Variants in MME observed in about 807,000 individuals in gnomAD.
MME encodes the protein membrane metalloendopeptidase, also known as neprilysin.
In MME, 98 loss-of-function variants were observed where a neutral mutation model predicts 113.2. The ratio of observed to expected loss-of-function variants is 0.87; its 90% confidence interval spans 0.74 to 1.02. The LOEUF is 1.02. Among genes scored for constraint, MME ranks in the 50% least tolerant of loss-of-function variants. MME has a pLI of 0.00. For missense variants in MME, 836 were observed against 896.0 expected, an observed-to-expected ratio of 0.93 and a Z score of 0.86; for synonymous variants, 292 against 300.6, an observed-to-expected ratio of 0.97 and a Z score of 0.30.
intron 1 of MME, among the ~76,000 whole-genome samples, chr3:155,035,017 C>T (rs534428292): frequency 3.3e-5 from 5 of 152,096 alleles, no homozygotes; most frequent in African/African-American, 7.2e-5. Flanking sequence ...TGTACCAGCA[C>T]TCATACTATG....
intron 22 of MME, among the ~76,000 whole-genome samples, chr3:155,172,829 T>C (rs1712134607): frequency 6.6e-6 from 1 of 151,958 alleles, no homozygotes; most frequent in Non-Finnish European, 1.5e-5. Context: ...ACAATAATTA[T>C]AATTCCTTAG....
At chr3:155,081,762 A>G (rs1253447310) in intron 1 of MME, 1 of 152,134 alleles carries the variant, frequency 6.6e-6, no homozygotes, top group African/African-American at 2.4e-5. Context: ...CTGATGTCTT[A>G]AAGAAAAATT....
chr3:155,058,810 C>T (rs1213408717), intron 1 of MME, among the ~76,000 whole-genome samples: 1 of 152,058 alleles, frequency 6.6e-6, no homozygotes, highest in Non-Finnish European at 1.5e-5. Context: ...AGTAAAACAC[C>T]CATTTCCAAA....
At chr3:155,170,276 A>G (rs796103416) in intron 20 of MME, among the ~76,000 whole-genome samples, 11 of 152,184 alleles carry the variant, frequency 7.2e-5, no homozygotes, top group African/African-American at 2.4e-4. Flanking sequence ...AACTCCTGAC[A>G]TCAAGCGATC....
chr3:155,168,182 G>A (rs1279942083), intron 18 of MME, among the ~76,000 whole-genome samples: 1 of 152,160 alleles, frequency 6.6e-6, no homozygotes, highest in Admixed American at 6.5e-5. Context: ...ACAGACTTGG[G>A]TCAGGTAAAA....
intron 3 of MME, among the ~76,000 whole-genome samples, chr3:155,102,467 C>A (rs1717336734): frequency 6.6e-6 from 1 of 152,136 alleles, no homozygotes; most frequent in Non-Finnish European, 1.5e-5. Context: ...TGATCTGAGG[C>A]TTCATCCCCT....
chr3:155,051,745 A>G (rs1197726158), intron 1 of MME, among the ~76,000 whole-genome samples: 1 of 152,126 alleles, frequency 6.6e-6, no homozygotes. Flanking sequence ...AAGCCTAACC[A>G]TATCATTCCG....
intron 16 of MME, chr3:155,159,033 T>A (rs969546716): frequency 3.3e-5 from 5 of 152,038 alleles, no homozygotes; most frequent in Non-Finnish European, 7.4e-5. Flanking sequence ...AAGTCCCAAA[T>A]CCTTTATATA....
intron 1 of MME, 41 bp from the exon 2 acceptor site, chr3:155,084,116 TA>T: frequency 1.4e-6 from 2 of 1,477,288 alleles, no homozygotes; most frequent in Non-Finnish European, 1.9e-6. Flanking sequence ...TTTTCTTTTT[TA>T]TTTATTTGTT....
chr3:155,088,010 A>G (rs981195039), intron 3 of MME, among the ~76,000 whole-genome samples: 5 of 152,202 alleles, frequency 3.3e-5, no homozygotes, highest in African/African-American at 1.2e-4. Flanking sequence ...TGGCAGAGAA[A>G]TGTATACAAT....
At chr3:155,160,063 T>G (rs1722602527) in intron 16 of MME, among the ~76,000 whole-genome samples, 1 of 152,024 alleles carries the variant, frequency 6.6e-6, no homozygotes, top group South Asian at 2.1e-4. Context: ...ATCAGGAACA[T>G]AAAGCTAAAT....
rs1195655060 is a variant in MME at position 155,084,230 on chromosome 3, A to G, written c.63A>G (p.Lys21=). ...TCAACACTCCAAAGCCAAAGAAGAA[A>G]CAGCGATGGACTCCACTGGAGATCA... The part of the protein sequence containing the change: ...TDINTPKPKK[K]QRWTPLEISL... Residue 21 remains lysine, a synonymous_variant, in exon 2 of 23, where the codon AAA becomes AAG. Transcript: ENST00000360490. 1.2e-6 allele frequency: 2 copies of G among 1,614,062 alleles called. No homozygotes were observed. The highest frequency in any genetic ancestry group is 1.7e-6 in the Non-Finnish European group (2 of 1,180,008).
At chr3:155,046,112 T>G (rs935719593) in intron 1 of MME, among the ~76,000 whole-genome samples, 4 of 152,116 alleles carry the variant, frequency 2.6e-5, no homozygotes, top group Non-Finnish European at 5.9e-5. Context: ...CTCCTATCCA[T>G]GTATGTTAGA....
In MME at chr3:155,138,286, T is replaced by C. The variant is rs1256804815; in HGVS notation, c.855+50T>C. 1.9e-6 allele frequency: 3 copies of C among 1,581,078 alleles called. No individual in the cohort carries two copies. The Admixed American group carries it at 5.0e-5, about 26-fold the overall frequency. On this transcript the variant is annotated intron_variant, in intron 9 of 22. Coordinates refer to ENST00000360490, the MANE Select transcript of MME (RefSeq NM_007289.4). ...ACACTGAATAATGTCAACCGCTTTT[T>C]TTCTTTCCCCTCTCTATCATACTTT...
At position 155,138,085 on chromosome 3, in the gene MME, C is replaced by A; in HGVS notation, c.721-17C>A. On this transcript the variant is annotated splice_polypyrimidine_tract_variant and intron_variant, in intron 8 of 22. Transcript: ENST00000360490. Reference sequence around the variant, plus strand: ...TTAGAGCTACTCCAACAGTTTAGTGCTATTTTTTTCTTGCAGGCTTGTACA... The same window carrying A: ...TTAGAGCTACTCCAACAGTTTAGTGATATTTTTTTCTTGCAGGCTTGTACA... 1.9e-6 allele frequency: 3 copies of A among 1,613,194 alleles called. No homozygotes were observed. Among genetic ancestry groups the A allele is most frequent in the Non-Finnish European group, 2.5e-6 (3 of 1,179,390 alleles).
intron 1 of MME, among the ~76,000 whole-genome samples, chr3:155,050,529 CACG>C (rs1449401751): frequency 2.0e-5 from 3 of 152,140 alleles, no homozygotes; most frequent in Non-Finnish European, 4.4e-5. Flanking sequence ...CATTCTGACT[CACG>C]TGAGATAGTA....
rs1279819773 is a variant in MME at position 155,137,928 on chromosome 3, TATTG to T, written c.721-172_721-169del. Among the ~76,000 whole-genome samples the T allele has an allele frequency of 3.7e-5, 5 of 135,588 alleles. No homozygotes were observed. In the East Asian group the frequency reaches 1.2e-3, roughly 33 times the overall value. The allele number at this position is 135,588 out of a possible 152,430, so 89.0% of individuals were successfully genotyped here. The stretch of plus-strand genomic sequence containing the variant: ...TCCTTTAAGCTCTTATTCAAAGATA[TATTG>T]ACTGTCTAAGAATCTGTGCAGGTCA... On this transcript the variant is annotated intron_variant, in intron 8 of 22. Coordinates refer to ENST00000360490, the MANE Select transcript of MME (RefSeq NM_007289.4).
chr3:155,170,194 G>A (rs1711764399), intron 20 of MME, among the ~76,000 whole-genome samples: 1 of 152,006 alleles, frequency 6.6e-6, no homozygotes, highest in South Asian at 2.1e-4. Flanking sequence ...ACAGGCATGT[G>A]CCACCACACC....
chr3:155,168,837 AGT>A (rs1360135819), intron 20 of MME, 40 bp downstream of exon 20: 33 of 1,512,212 alleles, frequency 2.2e-5, no homozygotes, highest in Non-Finnish European at 2.8e-5. Context: ...AGTGATTTAG[AGT>A]GTTTCTCATA....
Sources: gnomAD v4.1 joint callset for allele counts (sites outside exome capture counted in the v4.1 genomes callset) on GRCh38, gnomAD v4.1.1 for gene constraint, MANE v1.5 for transcripts, NCBI Gene and HGNC (gene_info 2026-07-23, HGNC 2026-07-21) for gene names.